ITGA6: variants seen among roughly 807,000 people sequenced by gnomAD.
ITGA6 encodes the protein integrin alpha-6.
ITGA6 carries 63 observed loss-of-function variants against 133.6 expected under a neutral mutation model. The ratio of observed to expected loss-of-function variants is 0.47; its 90% confidence interval spans 0.38 to 0.58. ITGA6 has a LOEUF of 0.58. Ranked by LOEUF, ITGA6 falls within the 20% of genes least tolerant of loss-of-function variation. The pLI is 0.00. For missense variants in ITGA6, 1,068 were observed against 1,309.4 expected, an observed-to-expected ratio of 0.82 and a Z score of 2.85; for synonymous variants, 434 against 482.0, an observed-to-expected ratio of 0.90 and a Z score of 1.30.
Position 172,489,467 on chromosome 2 carries a change from T to C in ITGA6, c.2506-18T>C. 1 of 1,573,280 alleles carries C rather than the reference T, an allele frequency of 6.4e-7. No homozygotes were observed. The highest frequency in any genetic ancestry group is 8.8e-7 in the Non-Finnish European group (1 of 1,142,834). On this transcript the variant is annotated intron_variant, in intron 19 of 25. Coordinates refer to ENST00000684293, the MANE Select transcript of ITGA6 (RefSeq NM_000210.4). ...TTGAGAAGATTAGACTGAGATAATA[T>C]GTATTATTTTCTAACAGGTAATAAA...
chr2:172,480,195 C>A (rs1051634285), intron 11 of ITGA6, 144 bp downstream of exon 11: 9 of 687,050 alleles, frequency 1.3e-5, no homozygotes, highest in African/African-American at 1.1e-4. Flanking sequence ...GTTTTGTCTC[C>A]CTTTTAATCA....
chr2:172,475,582 T>C lies in ITGA6; in HGVS notation c.1181-15T>C. The C allele has an allele frequency of 1.4e-6, 2 of 1,425,176 alleles. No individual in the cohort carries two copies. The highest frequency in any genetic ancestry group is 2.0e-6 in the Non-Finnish European group (2 of 1,007,536). The allele number at this position is 1,425,176 out of a possible 1,614,324, so 88.3% of individuals were successfully genotyped here. On this transcript the variant is annotated splice_polypyrimidine_tract_variant and intron_variant, in intron 7 of 25. Transcript: ENST00000684293. ...AAGCGTTTGTTAAAATGTTAAAATG[T>C]GATGTTGTCAACAGATATTGCAGTT...
intron 24 of ITGA6, among the ~76,000 whole-genome samples, chr2:172,500,668 C>A (rs1351702864): frequency 6.6e-6 from 1 of 152,134 alleles, no homozygotes; most frequent in African/African-American, 2.4e-5. Context: ...GAGGCAGGAC[C>A]AGGCCTCTTG....
intron 1 of ITGA6, among the ~76,000 whole-genome samples, chr2:172,454,275 G>C (rs1639870178): frequency 6.6e-6 from 1 of 151,978 alleles, no homozygotes; most frequent in African/African-American, 2.4e-5. Context: ...GTAGAGATGG[G>C]GTTTCACTAT....
intron 1 of ITGA6, among the ~76,000 whole-genome samples, chr2:172,440,421 TATTTTAACC>T (rs1427284460): frequency 6.6e-6 from 1 of 152,228 alleles, no homozygotes; most frequent in Admixed American, 6.5e-5. Context: ...ACATAAAATT[TATTTTAACC>T]ATTTTAAAGT....
chr2:172,488,157 G>C lies in ITGA6; in HGVS notation c.2434G>C (p.Gly812Arg), dbSNP rs1686772058. The C allele has an allele frequency of 6.2e-7, 1 of 1,613,906 alleles. No homozygotes were observed. Among genetic ancestry groups the C allele is most frequent in the Non-Finnish European group, 8.5e-7 (1 of 1,179,968 alleles). ...VAKPSQVYFG[G>R]TVVGEQAMKS... Reference sequence around the variant, plus strand: ...TAAACCTTCCCAGGTGTATTTTGGAGGTACAGTTGTTGGCGAGCAAGCTAT... The same window carrying C: ...TAAACCTTCCCAGGTGTATTTTGGACGTACAGTTGTTGGCGAGCAAGCTAT... Residue 812 changes from glycine (G) to arginine (R), a missense_variant, in exon 19 of 26, where the codon GGT becomes CGT. By Grantham distance (125) the Gly-to-Arg change is moderately radical. Transcript: ENST00000684293.
Position 172,487,751 on chromosome 2 carries a change from T to C in ITGA6, c.2268T>C (p.Ser756=). Residue 756 remains serine (S), a synonymous_variant, in exon 17 of 26, where the codon AGT becomes AGC. Transcript: ENST00000684293. ...AGGTCACTTTTTATTTGGTTTTAAG[T>C]ACAACTGAAGTCACCTTTGACACCC... is the stretch of plus-strand genomic sequence containing the variant. ...NSNVTFYLVL[S]TTEVTFDTPD... 4 of 1,612,812 alleles carry C rather than the reference T, an allele frequency of 2.5e-6. No homozygotes were observed. The highest frequency in any genetic ancestry group is 3.4e-6 in the Non-Finnish European group (4 of 1,178,840).
At chr2:172,434,496 A>G (rs1684236021) in intron 1 of ITGA6, among the ~76,000 whole-genome samples, 1 of 151,714 alleles carries the variant, frequency 6.6e-6, no homozygotes, top group Non-Finnish European at 1.5e-5. Context: ...GTGGCAGCAG[A>G]CCCTCCCCAG....
At chr2:172,458,316 T>C (rs897582393) in intron 1 of ITGA6, among the ~76,000 whole-genome samples, 1 of 151,604 alleles carries the variant, frequency 6.6e-6, no homozygotes, top group Non-Finnish European at 1.5e-5. Context: ...TCTCGGCTCC[T>C]GAAACCTCCA....
At chr2:172,472,621 G>T (rs938594336) in intron 5 of ITGA6, among the ~76,000 whole-genome samples, 7 of 152,186 alleles carry the variant, frequency 4.6e-5, no homozygotes, top group African/African-American at 1.7e-4. Flanking sequence ...GGAACAAAAC[G>T]ATCTGCTTGA....
intron 8 of ITGA6, among the ~76,000 whole-genome samples, chr2:172,475,939 C>T (rs558725130): frequency 6.6e-6 from 1 of 152,194 alleles, no homozygotes; most frequent in East Asian, 1.9e-4. Flanking sequence ...GAATGTTATT[C>T]TACCCTGACG....
chr2:172,491,512 G>A lies in ITGA6; in HGVS notation c.2977G>A (p.Ala993Thr). The A allele has an allele frequency of 6.2e-7, 1 of 1,611,332 alleles. No homozygotes were observed. Among genetic ancestry groups the A allele is most frequent in the Non-Finnish European group, 8.5e-7 (1 of 1,177,910 alleles). Residue 993 changes from alanine to threonine, a missense_variant, in exon 23 of 26, where the codon GCA (alanine) becomes ACA (threonine). Ala to Thr is a moderately conservative substitution (Grantham distance 58, BLOSUM62 0). Coordinates refer to ENST00000684293, the MANE Select transcript of ITGA6 (RefSeq NM_000210.4). This position sits in a 1 kb window ranked among gnomAD's most constrained non-coding sequence, Gnocchi z 4.4. ...TGCCGAAAATATCAGGCTGCCAAATGCAGGCACTCAGGTGAGAGGTTCCCC... is the reference window on the plus strand; with the variant it reads ...TGCCGAAAATATCAGGCTGCCAAATACAGGCACTCAGGTGAGAGGTTCCCC... ...AAAENIRLPN[A>T]GTQVRVTVFP...
At chr2:172,479,217 A>G (rs186089190) in intron 9 of ITGA6, among the ~76,000 whole-genome samples, 20 of 152,358 alleles carry the variant, frequency 1.3e-4, no homozygotes, top group Admixed American at 1.3e-4. Context: ...GACCTCTGAA[A>G]TGGATGAGAA....
chr2:172,491,135 C>A lies in ITGA6; in HGVS notation c.2778+13C>A. On this transcript the variant is annotated intron_variant, in intron 21 of 25. Transcript: ENST00000684293. The surrounding 1 kb of genome is among the most constrained non-coding windows in gnomAD (Gnocchi z 4.4). Reference sequence around the variant, plus strand: ...ATACCAGACTCTTGTAAGTATTTTTCAAGAGCTGTGAATATTTGAGAGGAT... The same window carrying A: ...ATACCAGACTCTTGTAAGTATTTTTAAAGAGCTGTGAATATTTGAGAGGAT... 1.4e-6 allele frequency: 2 copies of A among 1,459,156 alleles called. No homozygotes were observed. Among genetic ancestry groups the A allele is most frequent in the Non-Finnish European group, 1.9e-6 (2 of 1,039,002 alleles). The allele number at this position is 1,459,156 out of a possible 1,614,324, so 90.4% of individuals were successfully genotyped here.
chr2:172,457,295 C>CAAAAA (rs71403305), intron 1 of ITGA6, among the ~76,000 whole-genome samples: 7,822 of 78,976 alleles, frequency 0.099, 321 homozygotes, highest in East Asian at 0.21. Flanking sequence ...ATTCTGTCTC[C>CAAAAA]AAAAAAAAAA....
At chr2:172,503,157 A>G (rs947111508) in intron 25 of ITGA6, among the ~76,000 whole-genome samples, 1 of 152,188 alleles carries the variant, frequency 6.6e-6, no homozygotes, top group African/African-American at 2.4e-5. Flanking sequence ...AAACACATTA[A>G]CAGTTCTATC....
rs1465967393 is a variant in ITGA6, at chr2:172,441,558, TTAAAAAAAAAA to T, written c.182+13589_182+13599del. On this transcript the variant is annotated intron_variant, in intron 1 of 25. Coordinates refer to ENST00000684293, the MANE Select transcript of ITGA6 (RefSeq NM_000210.4). ...GTAACAGAGTGGAGACGCTGTCTCT[TTAAAAAAAAAA>T]AAAAAAAAAAAAAAAAAAAAAAAAA... is the stretch of plus-strand genomic sequence containing the variant. Among the ~76,000 whole-genome samples the T allele has an allele frequency of 9.3e-5, 6 of 64,848 alleles. 1 individual carries two copies. Among genetic ancestry groups the T allele is most frequent in the Admixed American group, 1.9e-4 (1 of 5,158 alleles). 42.5% of individuals were successfully genotyped at this position (64,848 alleles called of 152,430 possible). A position where few individuals can be genotyped will look rare whatever the true frequency, so the allele number is the denominator to read the frequency against.
chr2:172,497,821 G>GT (rs1687191618), intron 23 of ITGA6, among the ~76,000 whole-genome samples, 154 bp from the exon 24 acceptor site: 1 of 152,194 alleles, frequency 6.6e-6, no homozygotes, highest in African/African-American at 2.4e-5. Context: ...GCAATATTCT[G>GT]TTAAGAGAAA....
intron 1 of ITGA6, among the ~76,000 whole-genome samples, chr2:172,453,341 A>G (rs1035712848): frequency 6.6e-6 from 1 of 152,094 alleles, no homozygotes; most frequent in Admixed American, 6.5e-5. Context: ...AGCCTGAGCA[A>G]CACTGTAGAA....
Sources: gnomAD v4.1 joint callset for allele counts (sites outside exome capture counted in the v4.1 genomes callset) on GRCh38, gnomAD v4.1.1 for gene constraint, Gnocchi (gnomAD v3.1) non-coding constraint, MANE v1.5 for transcripts, NCBI Gene and HGNC (gene_info 2026-07-23, HGNC 2026-07-21) for gene names.